Variants in F5 observed in about 807,000 individuals in gnomAD.
F5 encodes activated protein c cofactor.
In F5, 138 loss-of-function variants were observed where a neutral mutation model predicts 216.4. That is an observed-to-expected ratio of 0.64 (90% CI 0.56 to 0.73). The LOEUF (loss-of-function observed/expected upper bound fraction) is 0.73, where lower values mean the gene tolerates loss of function less well. F5 is among the 30% of genes least tolerant of loss of function. F5 has a pLI of 0.00. For synonymous variants in F5, 916 were observed against 930.7 expected (o/e 0.98, Z 0.29); for missense variants, 2,403 against 2,674.0 (o/e 0.90, Z 2.24).
intron 5 of F5, among the ~76,000 whole-genome samples, chr1:169,557,754 T>C (rs1660366400): frequency 6.6e-6 from 1 of 151,928 alleles, no homozygotes; most frequent in Non-Finnish European, 1.5e-5. Context: ...TTGTTTTTTT[T>C]AGGAGACCAT....
chr1:169,546,857 C>T lies in F5; in HGVS notation c.1612-265G>A, dbSNP rs187771484. On this transcript the variant is annotated intron_variant, in intron 10 of 24. Coordinates refer to ENST00000367797, the MANE Select transcript of F5 (RefSeq NM_000130.5). ...TAAAGACTTAAATGTAGGCCTGGCG[C>T]GGTGGCTCACGCCTGTAATACCAGC... Among the ~76,000 whole-genome samples, 293 of 151,728 alleles carry T rather than the reference C, an allele frequency of 1.9e-3. 1 individual carries two copies. Among genetic ancestry groups the T allele is most frequent in the African/African-American group, 6.4e-3 (264 of 41,338 alleles).
intron 17 of F5, among the ~76,000 whole-genome samples, chr1:169,526,707 T>C (rs1429591399): frequency 1.3e-5 from 2 of 151,994 alleles, no homozygotes; most frequent in Admixed American, 1.3e-4. Context: ...AATGCAGGTA[T>C]TTAGGTTTGC....
intron 14 of F5, among the ~76,000 whole-genome samples, chr1:169,536,184 C>T (rs1659700446): frequency 6.6e-6 from 1 of 152,136 alleles, no homozygotes; most frequent in Non-Finnish European, 1.5e-5. Context: ...ACCACCACCA[C>T]TGCTATGAAA....
Position 169,550,976 on chromosome 1 carries a change from T to C in F5, c.1297-237A>G, listed in dbSNP as rs112016048. Among the ~76,000 whole-genome samples the C allele has an allele frequency of 6.3e-4, 96 of 152,316 alleles. 1 individual carries two copies. Among genetic ancestry groups the C allele is most frequent in the African/African-American group, 2.3e-3 (95 of 41,574 alleles). On this transcript the variant is annotated intron_variant, in intron 8 of 24. Coordinates refer to ENST00000367797, the MANE Select transcript of F5 (RefSeq NM_000130.5). ...GAAAATGGAAAGAGAAGTCTGACTT[T>C]AGAGGATAGGTTAGGAGAAGTGACG... is the stretch of plus-strand genomic sequence containing the variant.
intron 2 of F5, among the ~76,000 whole-genome samples, chr1:169,577,065 C>T (rs1328791005): frequency 6.6e-6 from 1 of 152,166 alleles, no homozygotes; most frequent in Non-Finnish European, 1.5e-5. Context: ...CTCTTTAGCT[C>T]CTCCAACAGC....
chr1:169,573,340 A>G (rs1660772036), intron 2 of F5, among the ~76,000 whole-genome samples: 2 of 152,220 alleles, frequency 1.3e-5, no homozygotes, highest in African/African-American at 4.8e-5. Flanking sequence ...TCCTAAAACA[A>G]AAAGTTCATC....
At chr1:169,514,537 G>A in intron 24 of F5, 78 bp from the exon 25 acceptor site, 1 of 1,302,744 alleles carries the variant, frequency 7.7e-7, no homozygotes. Context: ...TTTTTAGACA[G>A]GGTCTTATTC....
chr1:169,586,444 G>T lies in F5; in HGVS notation c.-58C>A. On this transcript the variant is annotated 5_prime_UTR_variant, in exon 1 of 25. Transcript: ENST00000367797. Reference sequence around the variant, plus strand: ...CCCCAGGACCTGGGCAGCGCTTGCCGAGCTGCTAACCACACTCCGGGCTGT... The same window carrying T: ...CCCCAGGACCTGGGCAGCGCTTGCCTAGCTGCTAACCACACTCCGGGCTGT... 6.3e-7 allele frequency: 1 copy of T among 1,578,796 alleles called. No homozygotes were observed. Among genetic ancestry groups the T allele is most frequent in the Non-Finnish European group, 8.6e-7 (1 of 1,167,136 alleles).
rs1196236335 is a variant in F5 at position 169,542,031 on chromosome 1, A to G, written c.3059T>C (p.Leu1020Pro). The G allele has an allele frequency of 6.2e-7, 1 of 1,613,788 alleles. No homozygotes were observed. Among genetic ancestry groups the G allele is most frequent in the Non-Finnish European group, 8.5e-7 (1 of 1,179,968 alleles). The change falls in exon 13 of 25, where the codon CTG becomes CCG. Residue 1020 changes from leucine to proline, a missense_variant. By Grantham distance (98) the Leu-to-Pro change is moderately conservative (BLOSUM62 -3). Coordinates refer to ENST00000367797, the MANE Select transcript of F5 (RefSeq NM_000130.5). Reference protein sequence around the residue: ...QVRQDGGKSRLKKSQFLIKTR... With the variant: ...QVRQDGGKSRPKKSQFLIKTR... ...CTTAATGAGAAACTGGCTTTTCTTC[A>G]GTCTACTCTTTCCTCCATCCTGTCT...
At chr1:169,536,270 G>C (rs528507471) in intron 14 of F5, among the ~76,000 whole-genome samples, 1 of 151,800 alleles carries the variant, frequency 6.6e-6, no homozygotes, top group Admixed American at 6.6e-5. Context: ...AGAAATTACA[G>C]AAAGATTTTC....
At chr1:169,569,914 C>T (rs1407337277) in intron 3 of F5, among the ~76,000 whole-genome samples, 2 of 151,998 alleles carry the variant, frequency 1.3e-5, no homozygotes, top group Non-Finnish European at 2.9e-5. Context: ...GCTCAAACCA[C>T]AGAGGGAGGC....
At chr1:169,565,072 C>A (rs1660569343) in intron 3 of F5, among the ~76,000 whole-genome samples, 1 of 152,028 alleles carries the variant, frequency 6.6e-6, no homozygotes, top group Admixed American at 6.6e-5. Context: ...CATCCAAGTT[C>A]TGTCCTACCT....
intron 13 of F5, among the ~76,000 whole-genome samples, chr1:169,539,120 G>T (rs1466506283): frequency 6.6e-6 from 1 of 151,944 alleles, no homozygotes; most frequent in Non-Finnish European, 1.5e-5. Context: ...GAAGCATGTC[G>T]AATTCTCCCA....
chr1:169,562,337 T>C (rs1660502243), intron 3 of F5, among the ~76,000 whole-genome samples: 1 of 152,038 alleles, frequency 6.6e-6, no homozygotes, highest in African/African-American at 2.4e-5. Context: ...TAATTTTCTA[T>C]CCTTTATTTT....
intron 9 of F5, among the ~76,000 whole-genome samples, chr1:169,550,275 C>T (rs1434094666): frequency 1.7e-3 from 103 of 59,730 alleles, no homozygotes; most frequent in Middle Eastern, 6.3e-3. Flanking sequence ...TGCTATCCCT[C>T]CCCCCGCCCC....
chr1:169,535,669 T>C (rs565851718), intron 14 of F5, among the ~76,000 whole-genome samples: 1 of 152,216 alleles, frequency 6.6e-6, no homozygotes, highest in Non-Finnish European at 1.5e-5. Context: ...ATAAGTTTTT[T>C]AAATATTGTG....
At position 169,541,612 on chromosome 1, in the gene F5, C is replaced by G. The variant is rs144144554; in HGVS notation, c.3478G>C (p.Asp1160His). ...SPELSEMLEYDRSHKSFPTDI... is the reference protein window; with the variant it reads ...SPELSEMLEYHRSHKSFPTDI... ...GTGGGGAAGGACTTGTGACTTCGGT[C>G]ATACTCAAGCATTTCACTGAGCTCT... The change falls in exon 13 of 25, where the codon GAC becomes CAC. Residue 1160 changes from aspartate (D) to histidine (H), a missense_variant. This residue lies in a region of F5 where 1,425 missense variants were observed against 1,554.8 expected (regional missense o/e 0.92). Transcript: ENST00000367797. The G allele has an allele frequency of 1.2e-6, 2 of 1,613,986 alleles. No homozygotes were observed. Among genetic ancestry groups the G allele is most frequent in the African/African-American group, 2.7e-5 (2 of 74,916 alleles).
At chr1:169,530,218 TTTAAC>T (rs1659560428) in intron 15 of F5, among the ~76,000 whole-genome samples, 2 of 152,222 alleles carry the variant, frequency 1.3e-5, no homozygotes, top group South Asian at 4.1e-4. Flanking sequence ...TTATCTCATT[TTTAAC>T]TTCTGATACC....
chr1:169,572,209 G>A lies in F5; in HGVS notation c.373+12C>T. On this transcript the variant is annotated intron_variant, in intron 3 of 24. Coordinates refer to ENST00000367797, the MANE Select transcript of F5 (RefSeq NM_000130.5). ...ATTTTCCCTTTTCAGAAAAATATTA[G>A]ATTTATCTTACCTTCTGATAATTTA... 6.2e-7 allele frequency: 1 copy of A among 1,610,424 alleles called. No homozygotes were observed. The highest frequency in any genetic ancestry group is 8.5e-7 in the Non-Finnish European group (1 of 1,178,144).
Sources: gnomAD v4.1 joint callset for allele counts (sites outside exome capture counted in the v4.1 genomes callset) on GRCh38, gnomAD v4.1.1 for gene constraint, gnomAD v4.1.1 regional missense constraint, MANE v1.5 for transcripts, NCBI Gene and HGNC (gene_info 2026-07-23, HGNC 2026-07-21) for gene names.